Variants in DPP9 observed in about 807,000 individuals in gnomAD.
DPP9 encodes the protein dipeptidyl peptidase 9.
A neutral mutation model predicts 110.7 loss-of-function variants in DPP9; 50 were observed. That is an observed-to-expected ratio of 0.45 (90% CI 0.36 to 0.57). The LOEUF is 0.57. DPP9 is among the 20% of genes least tolerant of loss of function. DPP9 has a pLI of 0.00. For missense variants in DPP9, 1,022 were observed against 1,217.9 expected (o/e 0.84, Z 2.39); for synonymous variants, 561 against 514.4 (o/e 1.09, Z -1.23).
intron 2 of DPP9, 76 bp from the exon 3 acceptor site, chr19:4,720,017 C>A: frequency 8.2e-7 from 1 of 1,214,962 alleles, no homozygotes; most frequent in Non-Finnish European, 1.1e-6. Flanking sequence ...GCCCCCTTCG[C>A]CCCCTCCTCA....
rs945305583 is a variant in DPP9, at chr19:4,710,960, C to T, written c.313+3121G>A. Among the ~76,000 whole-genome samples, 2 of 152,152 alleles carry T rather than the reference C, an allele frequency of 1.3e-5. No homozygotes were observed. The highest frequency in any genetic ancestry group is 2.9e-5 in the Non-Finnish European group (2 of 68,022). On this transcript the variant is annotated intron_variant, in intron 4 of 21. Transcript: ENST00000262960. This position sits in a 1 kb window ranked among gnomAD's most constrained non-coding sequence, Gnocchi z 5.6. ...CCTGTCCCAGCCCCAGACACACACA[C>T]GAGCCACAGGCGACCCGACGATCTC... is the stretch of plus-strand genomic sequence containing the variant.
intron 3 of DPP9, chr19:4,719,643 T>C: frequency 3.2e-6 from 2 of 632,198 alleles, no homozygotes; most frequent in Non-Finnish European, 5.5e-6. Flanking sequence ...CCAGAGAACA[T>C]TCCAGCCCCA....
chr19:4,686,431 T>C (rs1036848220), intron 16 of DPP9, among the ~76,000 whole-genome samples: 1 of 151,812 alleles, frequency 6.6e-6, no homozygotes, highest in Non-Finnish European at 1.5e-5. Flanking sequence ...GCAATTCTCC[T>C]GCCTCATCTT....
chr19:4,711,366 G>C (rs1184022721), intron 4 of DPP9, among the ~76,000 whole-genome samples: 1 of 152,132 alleles, frequency 6.6e-6, no homozygotes, highest in African/African-American at 2.4e-5. Flanking sequence ...GGGTGTGGAG[G>C]CTACGTTACA....
chr19:4,694,546 C>T lies in DPP9; in HGVS notation c.1516+115G>A, dbSNP rs901467737. On this transcript the variant is annotated intron_variant, in intron 13 of 21. Coordinates refer to ENST00000262960, the MANE Select transcript of DPP9 (RefSeq NM_139159.5). The surrounding 1 kb of genome is among the most constrained non-coding windows in gnomAD (Gnocchi z 4.0). ...GGCTGGCTTCCTGCCGATCCCTGTT[C>T]CTTCTCCCGCAGGGTGTGCTGGCTG... The T allele has an allele frequency of 4.5e-6, 6 of 1,340,740 alleles. No homozygotes were observed. 83.1% of individuals were successfully genotyped at this position (1,340,740 alleles called of 1,614,324 possible).
Position 4,694,408 on chromosome 19 carries a change from C to T in DPP9, c.1516+253G>A. 1 of 549,580 alleles carries T rather than the reference C, an allele frequency of 1.8e-6. No individual in the cohort carries two copies. The highest frequency in any genetic ancestry group is 3.2e-6 in the Non-Finnish European group (1 of 312,772). The allele number at this position is 549,580 out of a possible 1,614,324, so 34.0% of individuals were successfully genotyped here. On this transcript the variant is annotated intron_variant, in intron 13 of 21. Coordinates refer to ENST00000262960, the MANE Select transcript of DPP9 (RefSeq NM_139159.5). The surrounding 1 kb of genome is among the most constrained non-coding windows in gnomAD (Gnocchi z 4.0). ...TGACCTGTGGGCCGTAGGTGGCCAA[C>T]CCCTGGTTGTGCTAAGGGCCTGGCA...
intron 20 of DPP9, among the ~76,000 whole-genome samples, chr19:4,681,642 A>C (rs985737422): frequency 2.6e-5 from 4 of 151,706 alleles, no homozygotes; most frequent in African/African-American, 7.3e-5. Context: ...TTCGCTCACT[A>C]CCAACTCCAC....
At chr19:4,705,533 C>T (rs535530799) in intron 5 of DPP9, among the ~76,000 whole-genome samples, 41 of 152,360 alleles carry the variant, frequency 2.7e-4, no homozygotes, top group African/African-American at 9.9e-4. Context: ...TTTTTCCTCC[C>T]TCAACTATCC....
At chr19:4,721,886 T>A (rs1183859745) in intron 2 of DPP9, among the ~76,000 whole-genome samples, 1 of 152,162 alleles carries the variant, frequency 6.6e-6, no homozygotes, top group Admixed American at 6.5e-5. Context: ...CTCAGTCCAG[T>A]GGTGAAAAGC....
At position 4,689,102 on chromosome 19, in the gene DPP9, G is replaced by A. The variant is rs968242658; in HGVS notation, c.1750-210C>T. ...CAGAGCAGGAAACTGAGGCCAGGACGAGTCTGTCCCCCAGCCAGGGGCCTA... is the reference window on the plus strand; with the variant it reads ...CAGAGCAGGAAACTGAGGCCAGGACAAGTCTGTCCCCCAGCCAGGGGCCTA... On this transcript the variant is annotated intron_variant, in intron 15 of 21. Transcript: ENST00000262960. The surrounding 1 kb of genome is among the most constrained non-coding windows in gnomAD (Gnocchi z 7.0). 6.6e-6 allele frequency among the ~76,000 whole-genome samples: 1 copy of A among 152,030 alleles called. No individual in the cohort carries two copies. Among genetic ancestry groups the A allele is most frequent in the African/African-American group, 2.4e-5 (1 of 41,396 alleles).
Position 4,682,868 on chromosome 19 carries a change from G to C in DPP9, c.2332-30C>G. ...GGGACACAGCAGACAGATGGGGGCAGAGAGAGAGAGAGAAACAGGCGTCGG... is the reference window on the plus strand; with the variant it reads ...GGGACACAGCAGACAGATGGGGGCACAGAGAGAGAGAGAAACAGGCGTCGG... On this transcript the variant is annotated intron_variant, in intron 19 of 21. Transcript: ENST00000262960. This position sits in a 1 kb window ranked among gnomAD's most constrained non-coding sequence, Gnocchi z 7.1. 1.1e-6 allele frequency: 1 copy of C among 869,770 alleles called. No homozygotes were observed. The allele number at this position is 869,770 out of a possible 1,614,324, so 53.9% of individuals were successfully genotyped here.
At chr19:4,721,028 T>A (rs1228633356) in intron 2 of DPP9, among the ~76,000 whole-genome samples, 2 of 151,934 alleles carry the variant, frequency 1.3e-5, no homozygotes, top group Admixed American at 6.6e-5. Context: ...ATCCATGGAA[T>A]CCCCTAACCC....
intron 10 of DPP9, 54 bp from the exon 11 acceptor site, chr19:4,697,705 G>C: frequency 6.7e-7 from 1 of 1,481,558 alleles, no homozygotes; most frequent in Non-Finnish European, 9.4e-7. Context: ...GGCGCTGCTC[G>C]GAGGAGAAGG....
At position 4,689,866 on chromosome 19, in the gene DPP9, G is replaced by A; in HGVS notation, c.1597-144C>T. ...GCCCAAGTCTGGCTTTAGGGCTGGA[G>A]ATGAACCATCCCTGAGAGATGCGCT... On this transcript the variant is annotated intron_variant, in intron 14 of 21. Coordinates refer to ENST00000262960, the MANE Select transcript of DPP9 (RefSeq NM_139159.5). This position sits in a 1 kb window ranked among gnomAD's most constrained non-coding sequence, Gnocchi z 7.0. The A allele has an allele frequency of 1.1e-6, 1 of 926,664 alleles. No individual in the cohort carries two copies. The highest frequency in any genetic ancestry group is 1.6e-6 in the Non-Finnish European group (1 of 641,738). 57.4% of individuals were successfully genotyped at this position (926,664 alleles called of 1,614,324 possible).
intron 3 of DPP9, chr19:4,716,019 C>T (rs1010120962): frequency 3.3e-5 from 5 of 152,254 alleles, no homozygotes; most frequent in Non-Finnish European, 7.3e-5. Context: ...GGGCTGGTCT[C>T]GCTTCCCTTT....
Position 4,685,248 on chromosome 19 carries a change from C to T in DPP9, c.2031+378G>A, listed in dbSNP as rs1010364239. On this transcript the variant is annotated intron_variant, in intron 17 of 21. Transcript: ENST00000262960. The surrounding 1 kb of genome is among the most constrained non-coding windows in gnomAD (Gnocchi z 5.8). The stretch of plus-strand genomic sequence containing the variant: ...ACAGAGCTGCTCTGGGTAAGATGTG[C>T]GCCTAAGATGGTCCAACTGCCAATC... 18 of 521,454 alleles carry T rather than the reference C, an allele frequency of 3.5e-5. No individual in the cohort carries two copies. Among genetic ancestry groups the T allele is most frequent in the Admixed American group, 6.8e-5 (3 of 44,372 alleles). The allele number at this position is 521,454 out of a possible 1,614,324, so 32.3% of individuals were successfully genotyped here.
At chr19:4,681,649 C>A (rs1369979490) in intron 20 of DPP9, among the ~76,000 whole-genome samples, 1 of 152,114 alleles carries the variant, frequency 6.6e-6, no homozygotes, top group African/African-American at 2.4e-5. Context: ...ACTACCAACT[C>A]CACCTCCTGG....
In DPP9 at chr19:4,685,847, C is replaced by G. The variant is rs1333379792; in HGVS notation, c.1886-76G>C. On this transcript the variant is annotated intron_variant, in intron 16 of 21. Coordinates refer to ENST00000262960, the MANE Select transcript of DPP9 (RefSeq NM_139159.5). This position sits in a 1 kb window ranked among gnomAD's most constrained non-coding sequence, Gnocchi z 5.8. ...TGACACCCTTGTTCTCCTGCCCACC[C>G]CAAGCCTTGGAGGGTGGACCAAAGC... 10 of 1,555,366 alleles carry G rather than the reference C, an allele frequency of 6.4e-6. No homozygotes were observed. In the African/African-American group the frequency reaches 1.4e-4, roughly 21 times the overall value.
At chr19:4,696,536 G>A (rs542345743) in intron 11 of DPP9, among the ~76,000 whole-genome samples, 4 of 151,928 alleles carry the variant, frequency 2.6e-5, no homozygotes, top group Admixed American at 6.6e-5. Context: ...CGAGGGGGGC[G>A]GATCACAAGG....
Sources: allele counts gnomAD v4.1 joint callset (sites outside exome capture counted in the v4.1 genomes callset), GRCh38; gene constraint gnomAD v4.1.1; non-coding constraint Gnocchi (gnomAD v3.1); transcripts MANE v1.5; gene names NCBI Gene and HGNC (gene_info 2026-07-23, HGNC 2026-07-21).